SMTN: variants seen among roughly 807,000 people sequenced by gnomAD.
SMTN encodes smoothelin.
Under a neutral mutation model 102.0 loss-of-function variants are expected in SMTN, and 58 were observed. The observed-to-expected ratio is 0.57, with a 90% CI of 0.46 to 0.71. SMTN has a LOEUF of 0.71. Among genes scored for constraint, SMTN ranks in the 30% least tolerant of loss-of-function variants. SMTN has a pLI of 0.00. For missense variants in SMTN, 1,185 were observed against 1,241.7 expected (o/e 0.95, Z 0.69); for synonymous variants, 478 against 497.9 (o/e 0.96, Z 0.53).
At chr22:31,099,356 C>G in intron 18 of SMTN, 177 bp downstream of exon 18, 1 of 600,734 alleles carries the variant, frequency 1.7e-6, no homozygotes, top group Non-Finnish European at 2.9e-6. Context: ...AAGGCAAGCC[C>G]TAGATTCCAG....
intron 2 of SMTN, among the ~76,000 whole-genome samples, chr22:31,086,318 G>T (rs1030246413): frequency 1.3e-5 from 2 of 152,196 alleles, no homozygotes; most frequent in Admixed American, 1.3e-4. Context: ...TCAAATCCTG[G>T]CTCAGGTCAT....
At position 31,101,022 on chromosome 22, in the gene SMTN, A is replaced by C. The variant is rs373375110; in HGVS notation, c.2741A>C (p.Lys914Thr). Residue 914 changes from lysine (K) to threonine (T), a missense_variant, in exon 20 of 21, where the codon AAG (lysine) becomes ACG (threonine). By Grantham distance (78) the Lys-to-Thr change is moderately conservative. This residue lies in a region of SMTN where 89 missense variants were observed against 128.9 expected (regional missense o/e 0.69). Coordinates refer to ENST00000333137, the MANE Select transcript of SMTN (RefSeq NM_134269.3). ...LVQKGLVKTK[K>T]S Reference sequence around the variant, plus strand: ...CAGAAGGGGCTGGTAAAAACCAAAAAGTCCTAACCCCTGCTCGGGGCCCCA... The same window carrying C: ...CAGAAGGGGCTGGTAAAAACCAAAACGTCCTAACCCCTGCTCGGGGCCCCA... 1.9e-6 allele frequency: 3 copies of C among 1,610,704 alleles called. No individual in the cohort carries two copies. The highest frequency in any genetic ancestry group is 2.5e-6 in the Non-Finnish European group (3 of 1,178,064).
intron 1 of SMTN, chr22:31,082,778 T>G (rs1708214278): frequency 7.6e-7 from 1 of 1,315,592 alleles, no homozygotes; most frequent in African/African-American, 1.5e-5. Flanking sequence ...GGGGGCTGGG[T>G]AGGCCCTGTG....
At chr22:31,093,903 G>C in intron 11 of SMTN, 1 of 1,467,812 alleles carries the variant, frequency 6.8e-7, no homozygotes, top group Non-Finnish European at 9.1e-7. Context: ...TGGTGGGAGG[G>C]GTAGTTTTGA....
At chr22:31,076,986 G>A (rs992873777), upstream of SMTN, among the ~76,000 whole-genome samples, 4 of 152,128 alleles carry the variant, frequency 2.6e-5, no homozygotes, top group Non-Finnish European at 4.4e-5. Context: ...GCCCTAGGAG[G>A]GCCTGAAGGA....
chr22:31,085,460 A>G (rs954603586), intron 2 of SMTN, among the ~76,000 whole-genome samples: 5 of 152,118 alleles, frequency 3.3e-5, no homozygotes, highest in Admixed American at 3.3e-4. Context: ...TGTTGGGGAG[A>G]CTGAGGCCCA....
At position 31,094,371 on chromosome 22, in the gene SMTN, C is replaced by A. The variant is rs139131758; in HGVS notation, c.1633-932C>A. On this transcript the variant is annotated intron_variant, in intron 11 of 20. Transcript: ENST00000333137. ...CATAGAGGTCTTGGCTCAGGGCAGC[C>A]CCAGTCAGACACCTGGTCAGGAGCC... Among the ~76,000 whole-genome samples, 116 of 152,308 alleles carry A rather than the reference C, an allele frequency of 7.6e-4. 2 individuals are homozygous for A. The East Asian group carries it at 0.021, about 27-fold the overall frequency.
Position 31,099,768 on chromosome 22 carries a change from C to T in SMTN, c.2475C>T (p.Ser825=), listed in dbSNP as rs776912628. The T allele has an allele frequency of 6.2e-7, 1 of 1,614,096 alleles. No homozygotes were observed. The highest frequency in any genetic ancestry group is 2.2e-5 in the East Asian group (1 of 44,886). Reference sequence around the variant, plus strand: ...AGCACGTCGACATCCAGAACTTCTCCTCCAGCTGGAGTGATGGGATGGCCT... The same window carrying T: ...AGCACGTCGACATCCAGAACTTCTCTTCCAGCTGGAGTGATGGGATGGCCT... ...GYEHVDIQNF[S]SSWSDGMAFC... is the part of the protein sequence containing the mutation. The change falls in exon 19 of 21, where the codon TCC becomes TCT. Residue 825 remains serine, a synonymous_variant. Coordinates refer to ENST00000333137, the MANE Select transcript of SMTN (RefSeq NM_134269.3).
chr22:31,078,756 G>A (rs2147514581), upstream of SMTN, among the ~76,000 whole-genome samples: 1 of 152,206 alleles, frequency 6.6e-6, no homozygotes, highest in East Asian at 1.9e-4. Flanking sequence ...GTGTGTGCCT[G>A]TAGTCCTAGC....
chr22:31,095,367 C>A lies in SMTN; in HGVS notation c.1697C>A (p.Thr566Asn), dbSNP rs1160057516. 3 of 1,614,218 alleles carry A rather than the reference C, an allele frequency of 1.9e-6. No homozygotes were observed. In the South Asian group the frequency reaches 3.3e-5, roughly 18 times the overall value. ...AVEAANGAEQ[T>N]RVNKAPEGRS... is the part of the protein sequence containing the mutation. ...GAAGCGGCCAATGGGGCTGAGCAGA[C>A]CCGAGTGAACAAAGCACCAGAAGGG... The change falls in exon 12 of 21, where the codon ACC (threonine) becomes AAC (asparagine). Residue 566 changes from threonine to asparagine, a missense_variant. This residue lies in a region of SMTN where 1,096 missense variants were observed against 1,112.7 expected (regional missense o/e 0.98). Transcript: ENST00000333137. The surrounding 1 kb of genome is among the most constrained non-coding windows in gnomAD (Gnocchi z 4.1).
chr22:31,076,319 C>T (rs544035371), upstream of SMTN, among the ~76,000 whole-genome samples: 86 of 152,340 alleles, frequency 5.6e-4, no homozygotes, highest in Middle Eastern at 3.4e-3. Flanking sequence ...TGCGTGCCTT[C>T]AGAACCGGCA....
In SMTN at chr22:31,088,564, G is replaced by T. The variant is rs1481235106; in HGVS notation, c.252G>T (p.Gly84=). ...EQRAALARLA[G]QLESMNDVEE... is the part of the protein sequence containing the mutation. The stretch of plus-strand genomic sequence containing the variant: ...GGGCTGCCCTGGCACGGCTGGCAGG[G>T]CAGCTGGAGTCCATGAACGATGTGG... Residue 84 remains glycine, a synonymous_variant, in exon 4 of 21, where the codon GGG becomes GGT. Coordinates refer to ENST00000333137, the MANE Select transcript of SMTN (RefSeq NM_134269.3). 6.2e-7 allele frequency: 1 copy of T among 1,613,766 alleles called. No individual in the cohort carries two copies.
At chr22:31,086,418 G>C (rs1014704072) in intron 2 of SMTN, among the ~76,000 whole-genome samples, 7 of 152,154 alleles carry the variant, frequency 4.6e-5, no homozygotes, top group African/African-American at 1.7e-4. Flanking sequence ...GTTTTTGTGG[G>C]CTTAGGACAA....
At chr22:31,083,407 G>T in intron 2 of SMTN, 98 bp downstream of exon 2, 1 of 1,387,028 alleles carries the variant, frequency 7.2e-7, no homozygotes, top group Non-Finnish European at 9.6e-7. Flanking sequence ...GAAGTGATGG[G>T]GGAAAGGTCA....
chr22:31,078,983 G>A (rs1413860503), upstream of SMTN, among the ~76,000 whole-genome samples: 1 of 152,250 alleles, frequency 6.6e-6, no homozygotes, highest in Non-Finnish European at 1.5e-5. Flanking sequence ...GCAAAGTGGA[G>A]GGAAGGGGCT....
upstream of SMTN, among the ~76,000 whole-genome samples, chr22:31,081,051 G>GCC: frequency 6.6e-6 from 1 of 151,430 alleles, no homozygotes; most frequent in African/African-American, 2.4e-5. Flanking sequence ...GGCTCGGGGC[G>GCC]CCCCCCCCGA....
intron 1 of SMTN, among the ~76,000 whole-genome samples, chr22:31,075,484 C>G (rs2042106904): frequency 6.6e-6 from 1 of 152,052 alleles, no homozygotes; most frequent in African/African-American, 2.4e-5. Context: ...AGTTCAAGAC[C>G]AGCCTGGCCA....
At chr22:31,064,678 A>G (rs916694826) in intron 1 of SMTN, 1 of 152,168 alleles carries the variant, frequency 6.6e-6, no homozygotes, top group Admixed American at 6.5e-5. Flanking sequence ...AAATTTAGAT[A>G]TAATTCATAT....
chr22:31,090,227 C>A, intron 8 of SMTN, 47 bp downstream of exon 8: 1 of 1,475,758 alleles, frequency 6.8e-7, no homozygotes. Context: ...CTTCCCCTCC[C>A]CCTGCCTCCC....
Sources: allele counts gnomAD v4.1 joint callset (sites outside exome capture counted in the v4.1 genomes callset), GRCh38; gene constraint gnomAD v4.1.1; regional missense constraint gnomAD v4.1.1; non-coding constraint Gnocchi (gnomAD v3.1); transcripts MANE v1.5; gene names NCBI Gene and HGNC (gene_info 2026-07-23, HGNC 2026-07-21).